Variants in SLC25A21 observed in about 807,000 individuals in gnomAD.
SLC25A21 encodes the protein solute carrier family 25 member 21, also known as mitochondrial 2-oxodicarboxylate carrier.
SLC25A21 carries 47 observed loss-of-function variants against 43.8 expected under a neutral mutation model. The ratio of observed to expected loss-of-function variants is 1.07; its 90% confidence interval spans 0.85 to 1.37. SLC25A21 has a LOEUF of 1.37. Among genes scored for constraint, SLC25A21 ranks in the 40% most tolerant of loss-of-function variants. SLC25A21 has a pLI of 0.00. For missense variants in SLC25A21, 352 were observed against 350.2 expected, an observed-to-expected ratio of 1.00 and a Z score of -0.04; for synonymous variants, 131 against 121.3, an observed-to-expected ratio of 1.08 and a Z score of -0.52.
At chr14:37,133,302 G>A (rs1963422947) in intron 1 of SLC25A21, among the ~76,000 whole-genome samples, 1 of 151,898 alleles carries the variant, frequency 6.6e-6, no homozygotes, top group African/African-American at 2.4e-5. Flanking sequence ...ATAAATCATA[G>A]ATAACTATTC....
intron 1 of SLC25A21, among the ~76,000 whole-genome samples, chr14:36,950,810 T>C (rs1486682158): frequency 6.6e-6 from 1 of 152,204 alleles, no homozygotes; most frequent in Admixed American, 6.5e-5. Context: ...CCAACTGACA[T>C]TCTTATTGCA....
chr14:37,148,470 G>T (rs2138930615), intron 1 of SLC25A21, among the ~76,000 whole-genome samples: 1 of 152,198 alleles, frequency 6.6e-6, no homozygotes, highest in Admixed American at 6.5e-5. Flanking sequence ...GAGAAACTAT[G>T]ATTCCTACAA....
chr14:36,900,037 T>C (rs1481000354), intron 1 of SLC25A21, among the ~76,000 whole-genome samples: 6 of 152,022 alleles, frequency 3.9e-5, no homozygotes, highest in African/African-American at 1.2e-4. Flanking sequence ...AAGGAGGAAT[T>C]TGTTGGCTCA....
chr14:37,151,950 G>A (rs1454375475), intron 1 of SLC25A21, among the ~76,000 whole-genome samples: 3 of 152,062 alleles, frequency 2.0e-5, no homozygotes, highest in Non-Finnish European at 2.9e-5. Context: ...CAAGAGAGAC[G>A]CTTGAACCCA....
intron 1 of SLC25A21, among the ~76,000 whole-genome samples, chr14:36,879,693 A>C (rs908327317): frequency 6.6e-5 from 10 of 151,792 alleles, no homozygotes; most frequent in Non-Finnish European, 1.3e-4. Context: ...CATGTCATAA[A>C]CCCTTCTCCC....
At chr14:37,048,248 C>T (rs1359282364) in intron 1 of SLC25A21, among the ~76,000 whole-genome samples, 1 of 152,098 alleles carries the variant, frequency 6.6e-6, no homozygotes, top group Non-Finnish European at 1.5e-5. Flanking sequence ...AACAGTAACA[C>T]ATTTAGATTC....
chr14:36,929,211 A>G (rs1892218039), intron 1 of SLC25A21, among the ~76,000 whole-genome samples: 1 of 152,194 alleles, frequency 6.6e-6, no homozygotes, highest in Admixed American at 6.5e-5. Context: ...GGGTAAAACT[A>G]TTCCACTTAG....
intron 3 of SLC25A21, among the ~76,000 whole-genome samples, chr14:36,771,121 C>A (rs1886603137): frequency 6.6e-6 from 1 of 152,160 alleles, no homozygotes; most frequent in Non-Finnish European, 1.5e-5. Flanking sequence ...CTTGTTAGAT[C>A]AACTTTTGTT....
chr14:36,822,930 A>C (rs712346), intron 2 of SLC25A21, among the ~76,000 whole-genome samples: 1 of 152,064 alleles, frequency 6.6e-6, no homozygotes, highest in Non-Finnish European at 1.5e-5. Context: ...ACTACAATAA[A>C]CATTTACTTG....
At chr14:36,830,556 C>A (rs184163026) in intron 2 of SLC25A21, among the ~76,000 whole-genome samples, 1 of 151,804 alleles carries the variant, frequency 6.6e-6, no homozygotes, top group Admixed American at 6.6e-5. Flanking sequence ...GAAAGGGGTA[C>A]TAGACATCAA....
In SLC25A21 at chr14:36,679,982, A is replaced by AG; in HGVS notation, c.*675_*676insC. The AG allele has an allele frequency of 1.2e-6, 1 of 848,004 alleles. No homozygotes were observed. The highest frequency in any genetic ancestry group is 1.4e-6 in the Non-Finnish European group (1 of 717,714). 52.5% of individuals were successfully genotyped at this position (848,004 alleles called of 1,614,324 possible). A position where few individuals can be genotyped will look rare whatever the true frequency, so the allele number is the denominator to read the frequency against. On this transcript the variant is annotated 3_prime_UTR_variant, in exon 10 of 10. Coordinates refer to ENST00000331299, the MANE Select transcript of SLC25A21 (RefSeq NM_030631.4). ...AGTGTTTTAACATTCTGTTTTAAAC[A>AG]ATGTTTTAAAATACCTATTTATTAT... is the stretch of plus-strand genomic sequence containing the variant.
intron 6 of SLC25A21, among the ~76,000 whole-genome samples, chr14:36,713,929 AGGCT>A: frequency 6.6e-6 from 1 of 152,128 alleles, no homozygotes; most frequent in Non-Finnish European, 1.5e-5. Flanking sequence ...CTGGAAGGTG[AGGCT>A]GCAGTGAACT....
intron 1 of SLC25A21, among the ~76,000 whole-genome samples, chr14:37,138,614 T>C (rs1347228577): frequency 6.6e-6 from 1 of 152,096 alleles, no homozygotes; most frequent in African/African-American, 2.4e-5. Flanking sequence ...ACAATATCTC[T>C]TATCTTTTAT....
chr14:37,074,693 C>T (rs1456442062), intron 1 of SLC25A21, among the ~76,000 whole-genome samples: 2 of 151,942 alleles, frequency 1.3e-5, no homozygotes, highest in African/African-American at 4.8e-5. Context: ...GTTAGCCAGG[C>T]GTAGTGGTGT....
intron 1 of SLC25A21, among the ~76,000 whole-genome samples, chr14:36,906,201 T>A (rs549503724): frequency 5.3e-5 from 8 of 152,338 alleles, no homozygotes; most frequent in African/African-American, 1.7e-4. Flanking sequence ...TTCCTATTTT[T>A]AAAAAGTGAT....
intron 1 of SLC25A21, among the ~76,000 whole-genome samples, chr14:36,978,769 G>T (rs1959941168): frequency 6.6e-6 from 1 of 152,164 alleles, no homozygotes; most frequent in Non-Finnish European, 1.5e-5. Context: ...TAGATTAGAA[G>T]TTAATGCCCT....
chr14:36,941,835 CTTTAT>C (rs923057136), intron 1 of SLC25A21, among the ~76,000 whole-genome samples: 3 of 151,754 alleles, frequency 2.0e-5, no homozygotes, highest in Admixed American at 6.6e-5. Flanking sequence ...AAAATAGTGT[CTTTAT>C]TTGAAATATT....
At chr14:37,034,260 C>T (rs1055070293) in intron 1 of SLC25A21, among the ~76,000 whole-genome samples, 7 of 152,210 alleles carry the variant, frequency 4.6e-5, no homozygotes, top group African/African-American at 1.7e-4. Context: ...TTCAAGTGAT[C>T]CACCCACCTC....
At chr14:37,116,651 G>A (rs1251220851) in intron 1 of SLC25A21, among the ~76,000 whole-genome samples, 5 of 152,126 alleles carry the variant, frequency 3.3e-5, no homozygotes, top group Admixed American at 6.5e-5. Flanking sequence ...AAATGAAGAT[G>A]TTGTTGTTGG....
Sources: gnomAD v4.1 joint callset for allele counts (sites outside exome capture counted in the v4.1 genomes callset) on GRCh38, gnomAD v4.1.1 for gene constraint, MANE v1.5 for transcripts, NCBI Gene and HGNC (gene_info 2026-07-23, HGNC 2026-07-21) for gene names.